The following SLC16A2 variants were observed in gnomAD, a reference collection of about 807,000 sequenced individuals.
SLC16A2 encodes the protein solute carrier family 16 member 2.
SLC16A2 carries 3 observed loss-of-function variants against 27.2 expected under a neutral mutation model. That is an observed-to-expected ratio of 0.11 (90% CI 0.05 to 0.28). The LOEUF is 0.28. SLC16A2 is among the 10% of genes least tolerant of loss of function. The pLI, the probability that SLC16A2 is intolerant of heterozygous loss-of-function variation, is 1.00. For missense variants in SLC16A2, 295 were observed against 458.5 expected (o/e 0.64, Z 3.26); for synonymous variants, 202 against 187.8 (o/e 1.08, Z -0.62).
Position 74,506,937 on chromosome X carries a change from ATTTTT to A in SLC16A2, c.431-14044_431-14040del, listed in dbSNP as rs34001854. ...TATTTATTTATTTATTTATTTATTT[ATTTTT>A]TTTTTTTTGAGGCAGGGTCTCGCTT... On this transcript the variant is annotated intron_variant, in intron 1 of 5. Transcript: ENST00000587091. Among the ~76,000 whole-genome samples the A allele has an allele frequency of 3.5e-3, 297 of 84,039 alleles. 3 individuals carry two copies. Among genetic ancestry groups the A allele is most frequent in the East Asian group, 0.034 (91 of 2,655 alleles). 73.0% of individuals were successfully genotyped at this position (84,039 alleles called of 115,157 possible). A position where few individuals can be genotyped will look rare whatever the true frequency, so the allele number is the denominator to read the frequency against.
chrX:74,426,316 C>T (rs969699649), intron 1 of SLC16A2, among the ~76,000 whole-genome samples: 1 of 111,989 alleles, frequency 8.9e-6, no homozygotes, highest in Non-Finnish European at 1.9e-5. Context: ...TCACGTCATT[C>T]CCCTGCCCCC....
At chrX:74,486,070 T>A (rs146442082) in intron 1 of SLC16A2, among the ~76,000 whole-genome samples, 8 of 112,110 alleles carry the variant, frequency 7.1e-5, no homozygotes, top group Non-Finnish European at 1.3e-4. Context: ...CCAATCATTG[T>A]CCCTCCCCCT....
Position 74,421,821 on chromosome X carries a change from G to A in SLC16A2, c.184G>A (p.Ala62Thr). ...QPEPQPLPDP[A>T]PLPELEFESE... ...GGAGCCCCAGCCCCTACCGGACCCCGCACCCCTGCCGGAGCTGGAGTTCGA... is the reference window on the plus strand; with the variant it reads ...GGAGCCCCAGCCCCTACCGGACCCCACACCCCTGCCGGAGCTGGAGTTCGA... The change falls in exon 1 of 6, where the codon GCA (alanine) becomes ACA (threonine). Residue 62 changes from alanine (A) to threonine (T), a missense_variant. Physicochemically the swap from Ala to Thr is moderately conservative, Grantham distance 58. This residue lies in a region of SLC16A2 where 92 missense variants were observed against 85.1 expected (regional missense o/e 1.08). Coordinates refer to ENST00000587091, the MANE Select transcript of SLC16A2 (RefSeq NM_006517.5). 2.5e-6 allele frequency: 3 copies of A among 1,181,834 alleles called. No individual in the cohort carries two copies. Among genetic ancestry groups the A allele is most frequent in the Non-Finnish European group, 3.4e-6 (3 of 877,789 alleles).
intron 4 of SLC16A2, among the ~76,000 whole-genome samples, chrX:74,527,858 T>C (rs1423844607): frequency 8.9e-6 from 1 of 112,129 alleles, no homozygotes; most frequent in Non-Finnish European, 1.9e-5. Flanking sequence ...GCTTTGTTGA[T>C]AGGTGTGTCT....
rs1930463946 is a variant in SLC16A2 at position 74,524,758 on chromosome X, C to T, written c.975C>T (p.Ala325=). The T allele has an allele frequency of 8.3e-7, 1 of 1,209,473 alleles. No individual in the cohort carries two copies. The highest frequency in any genetic ancestry group is 2.2e-5 in the Admixed American group (1 of 45,717). The change falls in exon 3 of 6, where the codon GCC becomes GCT. Residue 325 remains alanine, a synonymous_variant. Coordinates refer to ENST00000587091, the MANE Select transcript of SLC16A2 (RefSeq NM_006517.5). ...GCCAACGCACTTACCGCATCTGGGC[C>T]TTCGGAATTGCTGCTGCTGCCCTTG... ...VFRQRTYRIW[A]FGIAAAALGY... is the part of the protein sequence containing the mutation.
intron 1 of SLC16A2, among the ~76,000 whole-genome samples, chrX:74,453,562 A>C (rs1440545056): frequency 9.0e-6 from 1 of 111,386 alleles, no homozygotes; most frequent in Non-Finnish European, 1.9e-5. Flanking sequence ...CTTTAAAAAA[A>C]CTGTTATTTT....
chrX:74,444,974 C>T (rs187391791), intron 1 of SLC16A2, among the ~76,000 whole-genome samples: 68 of 112,122 alleles, frequency 6.1e-4, no homozygotes, highest in African/African-American at 2.2e-3. Flanking sequence ...CTGGGCTTTT[C>T]TGCACAGAAA....
chrX:74,463,095 A>G (rs12688747), intron 1 of SLC16A2, among the ~76,000 whole-genome samples: 12,768 of 110,881 alleles, frequency 0.12, 679 homozygotes, highest in South Asian at 0.27. Context: ...GATTCTTCAG[A>G]TTTTTCCAGG....
At chrX:74,515,255 T>C (rs1276400935) in intron 1 of SLC16A2, among the ~76,000 whole-genome samples, 4 of 107,049 alleles carry the variant, frequency 3.7e-5, no homozygotes, top group Non-Finnish European at 7.8e-5. Context: ...ATAACCAAAA[T>C]AAAATAAGCC....
Position 74,532,570 on chromosome X carries a change from G to A in SLC16A2, c.*1017G>A, listed in dbSNP as rs1173856600. The A allele has an allele frequency of 2.7e-5, 3 of 111,568 alleles. No individual in the cohort carries two copies. The highest frequency in any genetic ancestry group is 9.5e-5 in the Admixed American group (1 of 10,533). The allele number at this position is 111,568 out of a possible 1,213,427, so 9.2% of individuals were successfully genotyped here. On this transcript the variant is annotated 3_prime_UTR_variant, in exon 6 of 6. Transcript: ENST00000587091. The stretch of plus-strand genomic sequence containing the variant: ...GACACGAGCTGCCATGGCGGGAGGA[G>A]GGGCAGTAGTTATTGATATGGTGAG...
At chrX:74,461,908 C>T (rs905982228) in intron 1 of SLC16A2, among the ~76,000 whole-genome samples, 2 of 111,451 alleles carry the variant, frequency 1.8e-5, no homozygotes, top group African/African-American at 6.5e-5. Context: ...GATGCTTTGT[C>T]CCAAGCCCCT....
chrX:74,439,891 G>A (rs181185805), intron 1 of SLC16A2, among the ~76,000 whole-genome samples: 5 of 111,336 alleles, frequency 4.5e-5, no homozygotes, highest in South Asian at 3.8e-4. Context: ...GAAAAGTTAC[G>A]CCCACTTTGA....
intron 1 of SLC16A2, among the ~76,000 whole-genome samples, chrX:74,482,634 A>C (rs768193434): frequency 1.8e-5 from 2 of 111,639 alleles, no homozygotes; most frequent in East Asian, 5.6e-4. Flanking sequence ...AACACTAGAC[A>C]TTCTTAGTTT....
chrX:74,450,815 T>C (rs999306255), intron 1 of SLC16A2, among the ~76,000 whole-genome samples: 2 of 111,989 alleles, frequency 1.8e-5, no homozygotes, highest in Non-Finnish European at 3.8e-5. Context: ...CTGGTAGTGG[T>C]TGGAGTCAGT....
chrX:74,490,341 C>A (rs1458044305), intron 1 of SLC16A2, among the ~76,000 whole-genome samples: 1 of 106,288 alleles, frequency 9.4e-6, no homozygotes, highest in Non-Finnish European at 1.9e-5. Flanking sequence ...TCTCCTCATT[C>A]TTAGATTATT....
chrX:74,445,598 C>T (rs781085590), intron 1 of SLC16A2, among the ~76,000 whole-genome samples: 1 of 103,968 alleles, frequency 9.6e-6, no homozygotes, highest in African/African-American at 3.5e-5. Context: ...ACCACTATAT[C>T]TCTCCTTATG....
chrX:74,427,954 A>G (rs907247303), intron 1 of SLC16A2, among the ~76,000 whole-genome samples: 1 of 111,294 alleles, frequency 9.0e-6, no homozygotes, highest in African/African-American at 3.3e-5. Context: ...ATTATGCTGT[A>G]CTAGTGCAAA....
At chrX:74,467,427 C>T (rs757306142) in intron 1 of SLC16A2, among the ~76,000 whole-genome samples, 1 of 111,323 alleles carries the variant, frequency 9.0e-6, no homozygotes, top group Non-Finnish European at 1.9e-5. Flanking sequence ...GACCAATAAC[C>T]TAGACTTTGT....
At chrX:74,428,895 C>G (rs1043167204) in intron 1 of SLC16A2, among the ~76,000 whole-genome samples, 1 of 111,570 alleles carries the variant, frequency 9.0e-6, no homozygotes, top group African/African-American at 3.3e-5. Flanking sequence ...ATCATTGTCC[C>G]CCATCTCCTG....
Sources: allele counts gnomAD v4.1 joint callset (sites outside exome capture counted in the v4.1 genomes callset), GRCh38; gene constraint gnomAD v4.1.1; regional missense constraint gnomAD v4.1.1; transcripts MANE v1.5; gene names NCBI Gene and HGNC (gene_info 2026-07-23, HGNC 2026-07-21).